Variants in COL4A3 observed in about 807,000 individuals in gnomAD.
COL4A3 encodes collagen alpha-3(IV) chain.
A neutral mutation model predicts 217.4 loss-of-function variants in COL4A3; 135 were observed. The observed-to-expected ratio is 0.62, with a 90% CI of 0.54 to 0.72. The LOEUF (loss-of-function observed/expected upper bound fraction) is 0.72, where lower values mean the gene tolerates loss of function less well. Among genes scored for constraint, COL4A3 ranks in the 30% least tolerant of loss-of-function variants. The pLI is 0.00. For synonymous variants in COL4A3, 690 were observed against 736.3 expected (o/e 0.94, Z 1.02); for missense variants, 1,868 against 2,119.9 (o/e 0.88, Z 2.33).
chr2:227,302,917 T>A, intron 43 of COL4A3, 121 bp from the exon 44 acceptor site: 1 of 698,976 alleles, frequency 1.4e-6, no homozygotes, highest in Non-Finnish European at 2.6e-6. Context: ...TGATGTCTGC[T>A]AACTTCAGCT....
intron 1 of COL4A3, among the ~76,000 whole-genome samples, chr2:227,237,626 T>C (rs561915901): frequency 5.2e-4 from 79 of 152,276 alleles, no homozygotes; most frequent in Admixed American, 7.8e-4. Flanking sequence ...AAAAAAAGGA[T>C]AGCTTTGTCG....
intron 9 of COL4A3, 83 bp downstream of exon 9, chr2:227,248,603 CT>C (rs1041409668): frequency 9.9e-6 from 9 of 912,404 alleles, no homozygotes; most frequent in African/African-American, 6.5e-5. Flanking sequence ...CTTCGTCTCT[CT>C]TTTCCCCCAT....
chr2:227,228,066 T>A (rs73078060), intron 1 of COL4A3, among the ~76,000 whole-genome samples: 4,577 of 152,356 alleles, frequency 0.03, 94 homozygotes, highest in African/African-American at 0.051. Flanking sequence ...TAGTAATCTG[T>A]ATGCTTGCTG....
chr2:227,301,873 T>A (rs2073301183), intron 43 of COL4A3: 2 of 152,236 alleles, frequency 1.3e-5, no homozygotes. Context: ...TCTCCTTTTT[T>A]AACAACACTT....
At chr2:227,289,315 T>C in intron 35 of COL4A3, 67 bp downstream of exon 35, 2 of 1,337,342 alleles carry the variant, frequency 1.5e-6, no homozygotes, top group Non-Finnish European at 2.1e-6. Context: ...GTAATAAAAG[T>C]TGTTTCTAGG....
intron 28 of COL4A3, among the ~76,000 whole-genome samples, chr2:227,279,269 T>C (rs1173947196): frequency 6.6e-6 from 1 of 151,758 alleles, no homozygotes; most frequent in African/African-American, 2.4e-5. Flanking sequence ...GTTTTTTTTG[T>C]TGTTGTTGTT....
intron 34 of COL4A3, among the ~76,000 whole-genome samples, chr2:227,284,773 A>G (rs981019641): frequency 5.3e-5 from 8 of 152,232 alleles, no homozygotes; most frequent in African/African-American, 1.9e-4. Context: ...GATTCTATCT[A>G]AAAACTTCTT....
chr2:227,221,057 G>A (rs1384077468), intron 1 of COL4A3: 1 of 152,204 alleles, frequency 6.6e-6, no homozygotes, highest in African/African-American at 2.4e-5. Flanking sequence ...AGACGTTATT[G>A]CTGGAATTTT....
At chr2:227,179,605 C>T (rs1446971929) in intron 1 of COL4A3, among the ~76,000 whole-genome samples, 1 of 152,100 alleles carries the variant, frequency 6.6e-6, no homozygotes. Context: ...TTCTTTAATC[C>T]TTTGACAGAA....
At chr2:227,175,625 G>A (rs2065650362) in intron 1 of COL4A3, among the ~76,000 whole-genome samples, 1 of 152,170 alleles carries the variant, frequency 6.6e-6, no homozygotes, top group African/African-American at 2.4e-5. Flanking sequence ...GGTGGGGGAT[G>A]GGACACAGGG....
chr2:227,254,539 C>T (rs1269479664), intron 14 of COL4A3, 117 bp from the exon 15 acceptor site: 2 of 842,826 alleles, frequency 2.4e-6, no homozygotes, highest in Non-Finnish European at 4.1e-6. Context: ...TTAGATGGCT[C>T]AGCACTGAAA....
chr2:227,308,828 T>C (rs913956672), intron 48 of COL4A3, 71 bp from the exon 49 acceptor site: 2 of 1,480,824 alleles, frequency 1.4e-6, no homozygotes, highest in Non-Finnish European at 1.9e-6. Flanking sequence ...TTAAATTAGC[T>C]TCTCTCTAGT....
At chr2:227,199,348 C>T (rs1316364863) in intron 1 of COL4A3, among the ~76,000 whole-genome samples, 1 of 152,186 alleles carries the variant, frequency 6.6e-6, no homozygotes, top group Non-Finnish European at 1.5e-5. Flanking sequence ...TACTACTTGG[C>T]AATCTTTACC....
rs908663472 is a variant in COL4A3 at position 227,282,198 on chromosome 2, G to A, written c.2489-167G>A. Among the ~76,000 whole-genome samples the A allele has an allele frequency of 5.9e-5, 9 of 151,644 alleles. No homozygotes were observed. The highest frequency in any genetic ancestry group is 2.2e-4 in the African/African-American group (9 of 41,204). On this transcript the variant is annotated intron_variant, in intron 31 of 51. Coordinates refer to ENST00000396578, the MANE Select transcript of COL4A3 (RefSeq NM_000091.5). This position sits in a 1 kb window ranked among gnomAD's most constrained non-coding sequence, Gnocchi z 4.4. ...GACGCAGGAGAATCACTTGAACCAG[G>A]GAGGCGGAGGGTACAGTGAGCCGAA... is the stretch of plus-strand genomic sequence containing the variant.
At chr2:227,205,511 G>C (rs1235153464) in intron 1 of COL4A3, among the ~76,000 whole-genome samples, 2 of 151,930 alleles carry the variant, frequency 1.3e-5, no homozygotes, top group African/African-American at 4.8e-5. Flanking sequence ...TTTTATATTA[G>C]AAATTATTTT....
chr2:227,311,811 G>A lies in COL4A3; in HGVS notation c.4954G>A (p.Ala1652Thr). 6.2e-7 allele frequency: 1 copy of A among 1,613,914 alleles called. No homozygotes were observed. Among genetic ancestry groups the A allele is most frequent in the African/African-American group, 1.3e-5 (1 of 75,034 alleles). Residue 1652 changes from alanine to threonine, a missense_variant, in exon 52 of 52, where the codon GCT becomes ACT. Coordinates refer to ENST00000396578, the MANE Select transcript of COL4A3 (RefSeq NM_000091.5). The stretch of plus-strand genomic sequence containing the variant: ...AAAGCCTATTCCATCAACTGTGAAA[G>A]CTGGGGAATTAGAAAAAATAATAAG... Reference protein sequence around the residue: ...FRKPIPSTVKAGELEKIISRC... With the variant: ...FRKPIPSTVKTGELEKIISRC...
intron 19 of COL4A3, chr2:227,260,078 A>G (rs1358998443): frequency 1.4e-6 from 1 of 738,916 alleles, no homozygotes. Context: ...GAAGGTAATT[A>G]AATTATCTTT....
chr2:227,280,981 C>T lies in COL4A3; in HGVS notation c.2463C>T (p.Gly821=). The T allele has an allele frequency of 1.3e-6, 2 of 1,564,440 alleles. No individual in the cohort carries two copies. The highest frequency in any genetic ancestry group is 1.7e-6 in the Non-Finnish European group (2 of 1,153,828). The stretch of plus-strand genomic sequence containing the variant: ...CCAGGGGAGCCCAAGGACTTCCAGG[C>T]TTAAATGGATTGAAAGGGCAACAAG... ...EGPRGAQGLP[G]LNGLKGQQGR... is the part of the protein sequence containing the mutation. The change falls in exon 31 of 52, where the codon GGC becomes GGT. Residue 821 remains glycine (G), a synonymous_variant. Coordinates refer to ENST00000396578, the MANE Select transcript of COL4A3 (RefSeq NM_000091.5).
intron 1 of COL4A3, among the ~76,000 whole-genome samples, chr2:227,226,300 T>C (rs1012012450): frequency 1.3e-5 from 2 of 152,122 alleles, no homozygotes; most frequent in African/African-American, 4.8e-5. Flanking sequence ...CAAATTGTAT[T>C]CCCTGTGTCC....
Sources: allele counts gnomAD v4.1 joint callset (sites outside exome capture counted in the v4.1 genomes callset), GRCh38; gene constraint gnomAD v4.1.1; non-coding constraint Gnocchi (gnomAD v3.1); transcripts MANE v1.5; gene names NCBI Gene and HGNC (gene_info 2026-07-23, HGNC 2026-07-21).